The following GLE1 variants were observed in gnomAD, a reference collection of about 807,000 sequenced individuals.
GLE1 encodes GLE1 RNA export mediator.
GLE1 carries 78 observed loss-of-function variants against 97.3 expected under a neutral mutation model. That is an observed-to-expected ratio of 0.80 (90% CI 0.67 to 0.97). The LOEUF (loss-of-function observed/expected upper bound fraction) is 0.97. Ranked by LOEUF, GLE1 falls within the 50% of genes least tolerant of loss-of-function variation. GLE1 has a pLI of 0.00. For synonymous variants in GLE1, 302 were observed against 313.4 expected, an observed-to-expected ratio of 0.96 and a Z score of 0.39; for missense variants, 753 against 857.5, an observed-to-expected ratio of 0.88 and a Z score of 1.52.
chr9:128,526,748 T>C (rs1847311219), intron 7 of GLE1, among the ~76,000 whole-genome samples: 1 of 151,722 alleles, frequency 6.6e-6, no homozygotes, highest in South Asian at 2.1e-4. Context: ...TGGCTCACTA[T>C]AGCCTCACCC....
intron 2 of GLE1, among the ~76,000 whole-genome samples, chr9:128,511,117 T>C (rs1275093627): frequency 6.6e-6 from 1 of 151,358 alleles, no homozygotes; most frequent in African/African-American, 2.4e-5. Flanking sequence ...GGCACTAGAA[T>C]TGCTTGAACC....
chr9:128,533,824 T>A lies in GLE1; in HGVS notation c.1519T>A (p.Ser507Thr). 1 of 1,613,996 alleles carries A rather than the reference T, an allele frequency of 6.2e-7. No homozygotes were observed. Among genetic ancestry groups the A allele is most frequent in the Non-Finnish European group, 8.5e-7 (1 of 1,179,840 alleles). Reference protein sequence around the residue: ...EAAFPIAVVASGIWELHPRVG... With the variant: ...EAAFPIAVVATGIWELHPRVG... ...AGCATTCCCCATTGCAGTTGTGGCA[T>A]CCGGGATCTGGGAGCTCCACCCCAG... The change falls in exon 11 of 16, where the codon TCC becomes ACC. Residue 507 changes from serine (S) to threonine (T), a missense_variant. Coordinates refer to ENST00000309971, the MANE Select transcript of GLE1 (RefSeq NM_001003722.2).
intron 9 of GLE1, chr9:128,532,560 AC>A (rs1847553443): frequency 1.2e-5 from 2 of 166,576 alleles, no homozygotes; most frequent in Admixed American, 1.3e-4. Flanking sequence ...ATCCTACAGA[AC>A]CCAGTGGCAG....
chr9:128,523,498 T>G (rs1847211070), intron 5 of GLE1, 94 bp from the exon 6 acceptor site: 1 of 1,509,040 alleles, frequency 6.6e-7, no homozygotes, highest in African/African-American at 1.4e-5. Context: ...TGAGCCCATC[T>G]GTGAAAATAT....
chr9:128,523,752 A>C lies in GLE1; in HGVS notation c.803A>C (p.His268Pro), dbSNP rs1457085311. 1 of 1,613,966 alleles carries C rather than the reference A, an allele frequency of 6.2e-7. No homozygotes were observed. The highest frequency in any genetic ancestry group is 2.2e-5 in the East Asian group (1 of 44,876). ...CAGCAGCTGGATGCCTCTGAGCAGC[A>C]CAAAGCCCTGCTTAAGGTCGACCTG... ...LSQQLDASEQ[H>P]KALLKVDLAA... The change falls in exon 6 of 16, where the codon CAC becomes CCC. Residue 268 changes from histidine to proline, a missense_variant. His to Pro is a moderately conservative substitution (Grantham distance 77, BLOSUM62 -2). Transcript: ENST00000309971.
intron 12 of GLE1, chr9:128,536,802 C>CGGGCGCGGTGGCTCACGCCTG: frequency 2.9e-6 from 1 of 345,856 alleles, no homozygotes; most frequent in Non-Finnish European, 5.6e-6. Context: ...TAGTTGAGAC[C>CGGGCGCGGTGGCTCACGCCTG]TTAGAAGCCA....
chr9:128,535,399 G>A (rs1847670800), intron 11 of GLE1, among the ~76,000 whole-genome samples: 1 of 151,006 alleles, frequency 6.6e-6, no homozygotes, highest in Non-Finnish European at 1.5e-5. Context: ...GCAGGCACCT[G>A]TAATCCCAGC....
At chr9:128,520,925 G>A (rs763600199) in intron 3 of GLE1, among the ~76,000 whole-genome samples, 1 of 151,996 alleles carries the variant, frequency 6.6e-6, no homozygotes, top group Non-Finnish European at 1.5e-5. Flanking sequence ...ACCACAGCCA[G>A]ATAATTTTTA....
At chr9:128,526,672 GT>G (rs111552917) in intron 7 of GLE1, among the ~76,000 whole-genome samples, 4 of 145,610 alleles carry the variant, frequency 2.7e-5, no homozygotes, top group African/African-American at 2.5e-5. Flanking sequence ...TTTGTTTTTT[GT>G]TTTTTTTTTG....
At chr9:128,509,651 CAAAA>C (rs200898903) in intron 2 of GLE1, among the ~76,000 whole-genome samples, 1 of 126,046 alleles carries the variant, frequency 7.9e-6, no homozygotes, top group Admixed American at 8.3e-5. Context: ...CTCCTAAACG[CAAAA>C]AAAAAAAAAA....
In GLE1 at chr9:128,522,797, C is replaced by G. The variant is rs368484174; in HGVS notation, c.562C>G (p.Arg188Gly). Residue 188 changes from arginine to glycine, a missense_variant, in exon 4 of 16, where the codon CGG becomes GGG. Arg to Gly is a moderately radical substitution (Grantham distance 125, BLOSUM62 -2). Coordinates refer to ENST00000309971, the MANE Select transcript of GLE1 (RefSeq NM_001003722.2). ...LKQHKEFQDL[R>G]EVMEKSSREA... is the part of the protein sequence containing the mutation. ...GCAGCATAAAGAATTCCAGGACTTG[C>G]GGGAAGTAATGGAGAAGAGGTGAGT... is the stretch of plus-strand genomic sequence containing the variant. 6.2e-7 allele frequency: 1 copy of G among 1,613,656 alleles called. No homozygotes were observed. The highest frequency in any genetic ancestry group is 1.7e-5 in the Admixed American group (1 of 59,942).
At chr9:128,524,496 G>C (rs1287949914) in intron 6 of GLE1, among the ~76,000 whole-genome samples, 1 of 147,922 alleles carries the variant, frequency 6.8e-6, no homozygotes, top group South Asian at 2.1e-4. Flanking sequence ...AAGTATTGGG[G>C]TTACAGGCAC....
intron 4 of GLE1, 118 bp from the exon 5 acceptor site, chr9:128,523,162 A>G (rs1847202314): frequency 1.2e-6 from 1 of 834,460 alleles, no homozygotes; most frequent in African/African-American, 1.7e-5. Flanking sequence ...ACGAGACCCC[A>G]TCTCTAAGAA....
chr9:128,537,946 C>A, intron 12 of GLE1, 40 bp from the exon 13 acceptor site: 3 of 1,185,126 alleles, frequency 2.5e-6, no homozygotes, highest in Non-Finnish European at 3.8e-6. Context: ...GATTTCTAAA[C>A]AAAATGAGAT....
At chr9:128,511,294 G>A (rs1226501465) in intron 2 of GLE1, among the ~76,000 whole-genome samples, 1 of 149,080 alleles carries the variant, frequency 6.7e-6, no homozygotes, top group Non-Finnish European at 1.5e-5. Context: ...ATATATTTAT[G>A]TTGATTTTGT....
In GLE1 at chr9:128,518,459, G is replaced by A. The variant is rs1018490771; in HGVS notation, c.432+2820G>A. 5.3e-5 allele frequency among the ~76,000 whole-genome samples: 8 copies of A among 152,044 alleles called. No individual in the cohort carries two copies. In the East Asian group the frequency reaches 1.3e-3, roughly 26 times the overall value. On this transcript the variant is annotated intron_variant, in intron 3 of 15. Transcript: ENST00000309971. ...GCCTGTAATCCCAGCTACTCAGGAG[G>A]CTGAGGCTGGACAATCACTCGAACC...
In GLE1 at chr9:128,515,666, C is replaced by T. The variant is rs1257038531; in HGVS notation, c.432+27C>T. 1.4e-5 allele frequency: 17 copies of T among 1,241,596 alleles called. No homozygotes were observed. The South Asian group carries it at 1.9e-4, about 14-fold the overall frequency. The allele number at this position is 1,241,596 out of a possible 1,614,324, so 76.9% of individuals were successfully genotyped here. ...TAAGTGAACCCATGAAGGAAGGCAG[C>T]CTTGATCCTGCGAGCCACATTTAAC... On this transcript the variant is annotated intron_variant, in intron 3 of 15. Transcript: ENST00000309971.
At chr9:128,528,005 T>A (rs1847356627) in intron 9 of GLE1, among the ~76,000 whole-genome samples, 1 of 142,148 alleles carries the variant, frequency 7.0e-6, no homozygotes, top group African/African-American at 2.5e-5. Flanking sequence ...CTTTTTTTCT[T>A]TTTTTTTTTT....
Position 128,541,384 on chromosome 9 carries a change from C to A in GLE1, c.*214C>A. ...ATTTGGTAGTTCCTTAAGAGATCCACGTGATAAAATAAATGGAGTTGGCCT... is the reference window on the plus strand; with the variant it reads ...ATTTGGTAGTTCCTTAAGAGATCCAAGTGATAAAATAAATGGAGTTGGCCT... On this transcript the variant is annotated 3_prime_UTR_variant, in exon 16 of 16. Transcript: ENST00000309971. 1.7e-6 allele frequency: 1 copy of A among 576,170 alleles called. No homozygotes were observed. Among genetic ancestry groups the A allele is most frequent in the South Asian group, 2.1e-5 (1 of 47,146 alleles). The allele number at this position is 576,170 out of a possible 1,614,324, so 35.7% of individuals were successfully genotyped here.
Sources: allele counts gnomAD v4.1 joint callset (sites outside exome capture counted in the v4.1 genomes callset), GRCh38; gene constraint gnomAD v4.1.1; transcripts MANE v1.5; gene names NCBI Gene and HGNC (gene_info 2026-07-23, HGNC 2026-07-21).